The following ARPC5 variants were observed in gnomAD, a reference collection of about 807,000 sequenced individuals.
ARPC5 encodes the protein actin-related protein 2/3 complex subunit 5.
In ARPC5, 5 loss-of-function variants were observed where a neutral mutation model predicts 15.4. The ratio of observed to expected loss-of-function variants is 0.32; its 90% confidence interval spans 0.17 to 0.68. The LOEUF (loss-of-function observed/expected upper bound fraction) is 0.68. ARPC5 is among the 30% of genes least tolerant of loss of function. The pLI, the probability that ARPC5 is intolerant of heterozygous loss-of-function variation, is 0.71. For missense variants in ARPC5, 138 were observed against 192.8 expected, an observed-to-expected ratio of 0.72 and a Z score of 1.68; for synonymous variants, 85 against 72.2, an observed-to-expected ratio of 1.18 and a Z score of -0.90.
Position 183,625,464 on chromosome 1 carries a change from TAAG to T in ARPC5, c.*2065_*2067del, listed in dbSNP as rs1236583493. On this transcript the variant is annotated 3_prime_UTR_variant, in exon 4 of 4. Transcript: ENST00000359856. Reference sequence around the variant, plus strand: ...AACGCTTCAGTTATGAAAGTGATGTTAAGAAGGATTTTATGAAAAAGCATTCAG... The same window carrying T: ...AACGCTTCAGTTATGAAAGTGATGTTAAGGATTTTATGAAAAAGCATTCAG... 2 of 152,266 alleles carry T rather than the reference TAAG, an allele frequency of 1.3e-5. No homozygotes were observed. The highest frequency in any genetic ancestry group is 6.5e-5 in the Admixed American group (1 of 15,292). The allele number at this position is 152,266 out of a possible 1,614,324, so 9.4% of individuals were successfully genotyped here.
At position 183,630,640 on chromosome 1, in the gene ARPC5, G is replaced by A; in HGVS notation, c.217-3C>T. The stretch of plus-strand genomic sequence containing the variant: ...AAGACAATGCTGCCTGCCCGGTCCT[G>A]GTGGGTCAATAAATAACAGAACATT... On this transcript the variant is annotated splice_polypyrimidine_tract_variant and splice_region_variant and intron_variant, in intron 2 of 3. Coordinates refer to ENST00000359856, the MANE Select transcript of ARPC5 (RefSeq NM_005717.4). 1 of 1,609,720 alleles carries A rather than the reference G, an allele frequency of 6.2e-7. No individual in the cohort carries two copies. The highest frequency in any genetic ancestry group is 1.1e-5 in the South Asian group (1 of 90,432).
intron 3 of ARPC5, among the ~76,000 whole-genome samples, chr1:183,628,462 T>C (rs1649175725): frequency 6.6e-6 from 1 of 152,226 alleles, no homozygotes; most frequent in Non-Finnish European, 1.5e-5. Flanking sequence ...GGTTTCTTTC[T>C]GTTCAAAAAA....
intron 3 of ARPC5, 132 bp downstream of exon 3, chr1:183,630,329 C>A (rs1440415777): frequency 1.0e-5 from 7 of 699,188 alleles, no homozygotes; most frequent in Middle Eastern, 3.4e-4. Flanking sequence ...ATGAACTATC[C>A]TTTTCATGCA....
In ARPC5 at chr1:183,624,114, A is replaced by C. The variant is rs1649015997; in HGVS notation, c.*3418T>G. 6.6e-6 allele frequency: 1 copy of C among 152,362 alleles called. No homozygotes were observed. The highest frequency in any genetic ancestry group is 1.5e-5 in the Non-Finnish European group (1 of 68,180). 9.4% of individuals were successfully genotyped at this position (152,362 alleles called of 1,614,324 possible). On this transcript the variant is annotated 3_prime_UTR_variant, in exon 4 of 4. Transcript: ENST00000359856. ...ATCAATGTCTATTTCAGCTAATAAA[A>C]CATTATGATTTCCTATAATTTTACT...
Position 183,635,503 on chromosome 1 carries a change from G to A in ARPC5, c.143+14C>T, listed in dbSNP as rs1337078965. ...GCTGGGCTGGGGTGGGGAGGGCGGT[G>A]AATGCAAGGATATTGCCGCAGGCAG... On this transcript the variant is annotated intron_variant, in intron 1 of 3. Transcript: ENST00000359856. 6.2e-7 allele frequency: 1 copy of A among 1,604,022 alleles called. No individual in the cohort carries two copies. Among genetic ancestry groups the A allele is most frequent in the Non-Finnish European group, 8.5e-7 (1 of 1,175,818 alleles).
Position 183,623,469 on chromosome 1 carries a change from C to T in ARPC5, c.*4063G>A. On this transcript the variant is annotated 3_prime_UTR_variant, in exon 4 of 4. Transcript: ENST00000359856. The stretch of plus-strand genomic sequence containing the variant: ...TCCATATCTGGAATCATACAAGAGG[C>T]ACCTGCACAGAACGTTTTCACATTG... 3 of 1,550,320 alleles carry T rather than the reference C, an allele frequency of 1.9e-6. No individual in the cohort carries two copies. In the South Asian group the frequency reaches 3.6e-5, roughly 18 times the overall value.
chr1:183,635,462 G>A (rs116303286), intron 1 of ARPC5, 55 bp downstream of exon 1: 57,653 of 1,452,032 alleles, frequency 0.04, 1,869 homozygotes, highest in African/African-American at 0.17. Flanking sequence ...CGGGTCCCAG[G>A]AGAAGGGCGG....
rs1034961119 is a variant in ARPC5 at position 183,626,000 on chromosome 1, T to C, written c.*1532A>G. The stretch of plus-strand genomic sequence containing the variant: ...TATTCAGCTGCCATCCAGAAGGCTA[T>C]GGAATCACTCCAAAGGCTTCAGTAG... On this transcript the variant is annotated 3_prime_UTR_variant, in exon 4 of 4. Coordinates refer to ENST00000359856, the MANE Select transcript of ARPC5 (RefSeq NM_005717.4). 2 of 152,212 alleles carry C rather than the reference T, an allele frequency of 1.3e-5. No homozygotes were observed. The highest frequency in any genetic ancestry group is 2.9e-5 in the Non-Finnish European group (2 of 68,042). 9.4% of individuals were successfully genotyped at this position (152,212 alleles called of 1,614,324 possible).
chr1:183,630,630 GC>G lies in ARPC5; in HGVS notation c.223del (p.Ala75GlnfsTer6), dbSNP rs1649236926. On this transcript the variant is annotated frameshift_variant, in exon 3 of 4. Coordinates refer to ENST00000359856, the MANE Select transcript of ARPC5 (RefSeq NM_005717.4). LOFTEE classifies it high-confidence loss of function. ...NTKSQAVKDR[A>X]GSIVLKVLIS... is the part of the protein sequence containing the mutation. ...GAGCACCTTCAAGACAATGCTGCCT[GC>G]CCGGTCCTGGTGGGTCAATAAATAA... The G allele has an allele frequency of 6.2e-7, 1 of 1,612,618 alleles. No individual in the cohort carries two copies. Among genetic ancestry groups the G allele is most frequent in the African/African-American group, 1.3e-5 (1 of 74,886 alleles).
At chr1:183,629,697 C>T (rs78343928) in intron 3 of ARPC5, among the ~76,000 whole-genome samples, 11,995 of 152,168 alleles carry the variant, frequency 0.079, 907 homozygotes, top group African/African-American at 0.2. Flanking sequence ...CTTGATCCTC[C>T]AAACTCCTAA....
chr1:183,627,896 G>A (rs888994316), intron 3 of ARPC5, among the ~76,000 whole-genome samples: 5 of 151,734 alleles, frequency 3.3e-5, no homozygotes, highest in Admixed American at 2.0e-4. Context: ...AGCATAGGCC[G>A]GGCGCGGTGG....
At position 183,635,450 on chromosome 1, in the gene ARPC5, C is replaced by T. The variant is rs564442618; in HGVS notation, c.143+67G>A. ...CGGTGCCCCGCGGATCCTGCAGGCTCCCGGGTCCCAGGAGAAGGGCGGGCT... is the reference window on the plus strand; with the variant it reads ...CGGTGCCCCGCGGATCCTGCAGGCTTCCGGGTCCCAGGAGAAGGGCGGGCT... On this transcript the variant is annotated intron_variant, in intron 1 of 3. Transcript: ENST00000359856. 290 of 1,514,850 alleles carry T rather than the reference C, an allele frequency of 1.9e-4. No homozygotes were observed. In the African/African-American group the frequency reaches 3.5e-3, roughly 18 times the overall value. 93.8% of individuals were successfully genotyped at this position (1,514,850 alleles called of 1,614,324 possible).
chr1:183,623,154 C>A lies in ARPC5; in HGVS notation c.*4378G>T. ...GAGCTAACTGCTAGGCTGGAAAATA[C>A]GGGAGTTTTAGAATGCTTTGGAATT... On this transcript the variant is annotated 3_prime_UTR_variant, in exon 4 of 4. Coordinates refer to ENST00000359856, the MANE Select transcript of ARPC5 (RefSeq NM_005717.4). 1 of 441,674 alleles carries A rather than the reference C, an allele frequency of 2.3e-6. No homozygotes were observed. The allele number at this position is 441,674 out of a possible 1,614,324, so 27.4% of individuals were successfully genotyped here. A position where few individuals can be genotyped will look rare whatever the true frequency, so the allele number is the denominator to read the frequency against.
At position 183,627,270 on chromosome 1, in the gene ARPC5, T is replaced by C; in HGVS notation, c.*262A>G. The C allele has an allele frequency of 2.2e-6, 1 of 448,428 alleles. No individual in the cohort carries two copies. The highest frequency in any genetic ancestry group is 4.1e-6 in the Non-Finnish European group (1 of 243,660). 27.8% of individuals were successfully genotyped at this position (448,428 alleles called of 1,614,324 possible). On this transcript the variant is annotated 3_prime_UTR_variant, in exon 4 of 4. Coordinates refer to ENST00000359856, the MANE Select transcript of ARPC5 (RefSeq NM_005717.4). ...AATTAAACTTGAATGTAAATTATAC[T>C]ATATACAGATTGGTATAAACATCAC... is the stretch of plus-strand genomic sequence containing the variant.
rs1480300576 is a variant in ARPC5, at chr1:183,621,449, T to C, written c.*6083A>G. ...ATATAATAGAATTATTATGCAGTCATAAAAATAAAATTGTTATCGGAAAGT... is the reference window on the plus strand; with the variant it reads ...ATATAATAGAATTATTATGCAGTCACAAAAATAAAATTGTTATCGGAAAGT... On this transcript the variant is annotated 3_prime_UTR_variant, in exon 4 of 4. Coordinates refer to ENST00000359856, the MANE Select transcript of ARPC5 (RefSeq NM_005717.4). 2.0e-5 allele frequency: 3 copies of C among 152,220 alleles called. No homozygotes were observed. The highest frequency in any genetic ancestry group is 7.2e-5 in the African/African-American group (3 of 41,452). The allele number at this position is 152,220 out of a possible 1,614,324, so 9.4% of individuals were successfully genotyped here.
At position 183,630,557 on chromosome 1, in the gene ARPC5, G is replaced by A. The variant is rs758982905; in HGVS notation, c.297C>T (p.Asp99=). ...TCATTAGGAGATCCACACCATTCTT[G>A]TCCAGAGATTGAACTGCCTTTTCTA... The part of the protein sequence containing the change: ...NDIEKAVQSL[D]KNGVDLLMKY... The change falls in exon 3 of 4, where the codon GAC becomes GAT. Residue 99 remains aspartate (D), a synonymous_variant. Coordinates refer to ENST00000359856, the MANE Select transcript of ARPC5 (RefSeq NM_005717.4). 18 of 1,613,808 alleles carry A rather than the reference G, an allele frequency of 1.1e-5. No individual in the cohort carries two copies. Among genetic ancestry groups the A allele is most frequent in the Non-Finnish European group, 1.4e-5 (17 of 1,179,876 alleles).
At position 183,622,233 on chromosome 1, in the gene ARPC5, G is replaced by C. The variant is rs1363954666; in HGVS notation, c.*5299C>G. ...AGTTGGTTGTCAAAAGAGGAACTAGGGTGGAATGGAAAATTACCACAGTAC... is the reference window on the plus strand; with the variant it reads ...AGTTGGTTGTCAAAAGAGGAACTAGCGTGGAATGGAAAATTACCACAGTAC... On this transcript the variant is annotated 3_prime_UTR_variant, in exon 4 of 4. Transcript: ENST00000359856. The C allele has an allele frequency of 6.6e-6, 1 of 151,996 alleles. No individual in the cohort carries two copies. Among genetic ancestry groups the C allele is most frequent in the Non-Finnish European group, 1.5e-5 (1 of 67,996 alleles). 9.4% of individuals were successfully genotyped at this position (151,996 alleles called of 1,614,324 possible).
rs1430881652 is a variant in ARPC5, at chr1:183,626,636, T to C, written c.*896A>G. 2 of 152,690 alleles carry C rather than the reference T, an allele frequency of 1.3e-5. No homozygotes were observed. Among genetic ancestry groups the C allele is most frequent in the Non-Finnish European group, 2.9e-5 (2 of 68,046 alleles). 9.5% of individuals were successfully genotyped at this position (152,690 alleles called of 1,614,324 possible). A position where few individuals can be genotyped will look rare whatever the true frequency, so the allele number is the denominator to read the frequency against. On this transcript the variant is annotated 3_prime_UTR_variant, in exon 4 of 4. Coordinates refer to ENST00000359856, the MANE Select transcript of ARPC5 (RefSeq NM_005717.4). ...GGGGCATATTAAATGGTATCTTAAA[T>C]ACTAGTTGTATACCTCATAATGTCT... is the stretch of plus-strand genomic sequence containing the variant.
intron 3 of ARPC5, among the ~76,000 whole-genome samples, chr1:183,628,420 A>T (rs1649174807): frequency 6.6e-6 from 1 of 152,162 alleles, no homozygotes; most frequent in African/African-American, 2.4e-5. Context: ...AAAAATAGAG[A>T]GTAATGATCA....
Sources: allele counts gnomAD v4.1 joint callset (sites outside exome capture counted in the v4.1 genomes callset), GRCh38; gene constraint gnomAD v4.1.1; transcripts MANE v1.5; gene names NCBI Gene and HGNC (gene_info 2026-07-23, HGNC 2026-07-21).